The following TP53BP2 variants were observed in gnomAD, a reference collection of about 807,000 sequenced individuals.
TP53BP2 encodes the protein apoptosis-stimulating of p53 protein 2.
TP53BP2 carries 62 observed loss-of-function variants against 126.2 expected under a neutral mutation model. The ratio of observed to expected loss-of-function variants is 0.49; its 90% confidence interval spans 0.40 to 0.61. The LOEUF is 0.61. Among genes scored for constraint, TP53BP2 ranks in the 20% least tolerant of loss-of-function variants. The probability of loss-of-function intolerance (pLI) is 0.00; values close to 1 mark genes in which losing one functional copy is unlikely to be tolerated. For synonymous variants in TP53BP2, 485 were observed against 502.9 expected, an observed-to-expected ratio of 0.96 and a Z score of 0.48; for missense variants, 1,215 against 1,402.8, an observed-to-expected ratio of 0.87 and a Z score of 2.14.
At chr1:223,816,270 G>A (rs986192002) in intron 2 of TP53BP2, among the ~76,000 whole-genome samples, 14 of 152,258 alleles carry the variant, frequency 9.2e-5, no homozygotes, top group South Asian at 6.2e-4. Flanking sequence ...ACAGGCATCC[G>A]AGAAATATTC....
intron 1 of TP53BP2, among the ~76,000 whole-genome samples, chr1:223,843,636 C>G (rs188692807): frequency 7.9e-5 from 12 of 152,240 alleles, no homozygotes; most frequent in Admixed American, 3.9e-4. Context: ...AAAAGTACAT[C>G]AAGGCAATTG....
intron 2 of TP53BP2, among the ~76,000 whole-genome samples, chr1:223,819,875 A>G (rs943951278): frequency 5.3e-5 from 8 of 152,208 alleles, no homozygotes; most frequent in African/African-American, 1.7e-4. Flanking sequence ...CTGGGGATAC[A>G]GCAGTGAACA....
intron 3 of TP53BP2, among the ~76,000 whole-genome samples, chr1:223,811,270 A>T (rs994417219): frequency 2.0e-5 from 3 of 152,158 alleles, no homozygotes. Context: ...TTTTAAAAAT[A>T]TATTAAGCTC....
At chr1:223,835,992 A>G (rs1283311958) in intron 1 of TP53BP2, among the ~76,000 whole-genome samples, 4 of 152,196 alleles carry the variant, frequency 2.6e-5, no homozygotes, top group Admixed American at 1.3e-4. Flanking sequence ...TGTAGGATGA[A>G]TAAGACAAGC....
chr1:223,785,378 C>T (rs942078655), intron 16 of TP53BP2, among the ~76,000 whole-genome samples: 1 of 152,206 alleles, frequency 6.6e-6, no homozygotes, highest in African/African-American at 2.4e-5. Context: ...TCTAAAGAGA[C>T]AATTTCCAAC....
intron 1 of TP53BP2, among the ~76,000 whole-genome samples, chr1:223,841,269 A>AAATAAATAAATG (rs758647320): frequency 0.014 from 2,169 of 152,010 alleles, 59 homozygotes; most frequent in African/African-American, 0.05. Context: ...ATAAATAAAT[A>AAATAAATAAATG]AAAGAAATAT....
In TP53BP2 at chr1:223,793,354, T is replaced by C. The variant is rs764833151; in HGVS notation, c.2811A>G (p.Leu937=). ...CAAATTCTCCCTCCAAAGACGAATC[T>C]AGCAGTAAAGCAAGGGGGTTGAATT... ...RVKFNPLALL[L]DSSLEGEFDL... The change falls in exon 14 of 18, where the codon CTA becomes CTG. Residue 937 remains leucine, a synonymous_variant. Transcript: ENST00000343537. The C allele has an allele frequency of 4.3e-6, 7 of 1,611,922 alleles. No individual in the cohort carries two copies. The highest frequency in any genetic ancestry group is 1.1e-5 in the South Asian group (1 of 90,452).
rs1225356427 is a variant in TP53BP2, at chr1:223,798,417, A to C, written c.1746T>G (p.Ser582Arg). ...AGGGCCGGACGGCAGCAGCAGGTGG[A>C]CTTTCTTGCTTAGAACCTGGAGAAA... The part of the protein sequence containing the change: ...QTLSPGSKQE[S>R]PPAAAVRPFT... The change falls in exon 12 of 18, where the codon AGT (serine) becomes AGG (arginine). Residue 582 changes from serine to arginine, a missense_variant. Around this residue, in one of 4 missense-constraint regions of TP53BP2, gnomAD observed 814 missense variants for 853.0 expected, o/e 0.95. Transcript: ENST00000343537. The C allele has an allele frequency of 6.2e-7, 1 of 1,614,144 alleles. No homozygotes were observed. Among genetic ancestry groups the C allele is most frequent in the Non-Finnish European group, 8.5e-7 (1 of 1,180,028 alleles).
intron 1 of TP53BP2, chr1:223,834,682 T>G (rs1001008634): frequency 3.6e-6 from 1 of 279,868 alleles, no homozygotes; most frequent in Non-Finnish European, 5.4e-6. Flanking sequence ...ATGAGGAATC[T>G]AAAATAGCCA....
In TP53BP2 at chr1:223,807,603, AC is replaced by A. The variant is rs533882773; in HGVS notation, c.373-657del. 4.6e-5 allele frequency among the ~76,000 whole-genome samples: 7 copies of A among 151,864 alleles called. No homozygotes were observed. The South Asian group carries it at 1.5e-3, about 32-fold the overall frequency. On this transcript the variant is annotated intron_variant, in intron 4 of 17. Transcript: ENST00000343537. ...CCAGATAAATAGGTTACATAGCAAG[AC>A]TGCAGGATTAAAAAAAAAAAAATCA...
chr1:223,845,054 C>T (rs1437113660), intron 1 of TP53BP2, among the ~76,000 whole-genome samples: 1 of 152,188 alleles, frequency 6.6e-6, no homozygotes, highest in East Asian at 1.9e-4. Context: ...GGCACTAATC[C>T]TCTCCGGAGG....
intron 16 of TP53BP2, among the ~76,000 whole-genome samples, chr1:223,785,052 TC>T (rs1661904880): frequency 6.6e-6 from 1 of 152,054 alleles, no homozygotes; most frequent in Non-Finnish European, 1.5e-5. Context: ...TACCTTCCTA[TC>T]CTAAAGGGCA....
At chr1:223,824,675 T>TA (rs921688132) in intron 1 of TP53BP2, among the ~76,000 whole-genome samples, 4 of 149,640 alleles carry the variant, frequency 2.7e-5, no homozygotes, top group South Asian at 2.1e-4. Flanking sequence ...AATTAATTTT[T>TA]AAAAAAAAAA....
chr1:223,819,546 C>T (rs975505574), intron 2 of TP53BP2, among the ~76,000 whole-genome samples: 4 of 151,674 alleles, frequency 2.6e-5, no homozygotes, highest in Non-Finnish European at 4.4e-5. Context: ...ATTAGGCGGG[C>T]ATGGGGGCGG....
intron 3 of TP53BP2, among the ~76,000 whole-genome samples, chr1:223,812,476 G>A (rs558382415): frequency 2.1e-4 from 32 of 151,770 alleles, no homozygotes; most frequent in East Asian, 1.5e-3. Flanking sequence ...TCCGCCTCCC[G>A]GGTTCAAGCG....
intron 5 of TP53BP2, 40 bp from the exon 6 acceptor site, chr1:223,804,388 A>T: frequency 6.3e-7 from 1 of 1,586,868 alleles, no homozygotes; most frequent in Non-Finnish European, 8.6e-7. Context: ...CATTTTAGGT[A>T]AGTACACCAC....
chr1:223,781,572 G>A (rs1182895260), intron 17 of TP53BP2, among the ~76,000 whole-genome samples: 1 of 151,944 alleles, frequency 6.6e-6, no homozygotes, highest in Non-Finnish European at 1.5e-5. Flanking sequence ...AAAAGAAGAG[G>A]AAGAAAAAGG....
intron 2 of TP53BP2, among the ~76,000 whole-genome samples, chr1:223,818,513 A>AAAAAG (rs912764865): frequency 1.7e-4 from 26 of 151,578 alleles, no homozygotes; most frequent in African/African-American, 5.8e-4. Flanking sequence ...AAAAAAAAAA[A>AAAAAG]AAAAGAAAAG....
chr1:223,802,953 C>T, intron 7 of TP53BP2, 58 bp from the exon 8 acceptor site: 1 of 1,568,540 alleles, frequency 6.4e-7, no homozygotes. Context: ...ATGTCTCAAA[C>T]AGTTAATCAC....
Sources: gnomAD v4.1 joint callset for allele counts (sites outside exome capture counted in the v4.1 genomes callset) on GRCh38, gnomAD v4.1.1 for gene constraint, gnomAD v4.1.1 regional missense constraint, MANE v1.5 for transcripts, NCBI Gene and HGNC (gene_info 2026-07-23, HGNC 2026-07-21) for gene names.